The following VEGFC variants were observed in gnomAD, a reference collection of about 807,000 sequenced individuals.
VEGFC encodes the protein vascular endothelial growth factor C.
A neutral mutation model predicts 46.1 loss-of-function variants in VEGFC; 12 were observed. The observed-to-expected ratio is 0.26, with a 90% confidence interval of 0.17 to 0.42. VEGFC has a LOEUF of 0.42. Ranked by LOEUF, VEGFC falls within the 10% of genes least tolerant of loss-of-function variation. The pLI, the probability that VEGFC is intolerant of heterozygous loss-of-function variation, is 1.00. For synonymous variants in VEGFC, 232 were observed against 195.5 expected (o/e 1.19, Z -1.56); for missense variants, 488 against 529.4 (o/e 0.92, Z 0.77).
chr4:176,698,438 A>G (rs965711060), intron 4 of VEGFC, among the ~76,000 whole-genome samples: 4 of 152,070 alleles, frequency 2.6e-5, no homozygotes, highest in African/African-American at 9.7e-5. Flanking sequence ...TATAATATTC[A>G]TGCATTTTTC....
chr4:176,731,372 T>C (rs558572861), intron 1 of VEGFC, among the ~76,000 whole-genome samples: 1 of 152,180 alleles, frequency 6.6e-6, no homozygotes, highest in African/African-American at 2.4e-5. Flanking sequence ...GTGATGGATA[T>C]GTTAACATGA....
chr4:176,688,877 G>A (rs1358912650), intron 4 of VEGFC, among the ~76,000 whole-genome samples: 1 of 152,088 alleles, frequency 6.6e-6, no homozygotes, highest in Non-Finnish European at 1.5e-5. Flanking sequence ...TCTCTTTGTT[G>A]GAAAACAGCA....
intron 1 of VEGFC, among the ~76,000 whole-genome samples, chr4:176,755,121 T>C (rs1209063640): frequency 1.3e-5 from 2 of 152,082 alleles, no homozygotes; most frequent in African/African-American, 4.8e-5. Flanking sequence ...GATGTATACA[T>C]TCAGAAATGC....
At chr4:176,779,049 G>C (rs948086922) in intron 1 of VEGFC, among the ~76,000 whole-genome samples, 2 of 152,104 alleles carry the variant, frequency 1.3e-5, no homozygotes, top group Admixed American at 6.5e-5. Flanking sequence ...AGAATGTATA[G>C]TGCTGTATTT....
intron 1 of VEGFC, among the ~76,000 whole-genome samples, chr4:176,745,487 T>G (rs974307858): frequency 2.0e-5 from 3 of 151,998 alleles, no homozygotes; most frequent in Non-Finnish European, 4.4e-5. Flanking sequence ...AATAGCCAGA[T>G]AGAGTTCCAG....
Position 176,727,925 on chromosome 4 carries a change from C to T in VEGFC, c.405G>A (p.Glu135=), listed in dbSNP as rs867274784. ...EWRKTQCMPR[E]VCIDVGKEFG... ...ACTCCTTCCCCACATCTATACACAC[C>T]TCCCGTGGCATGCATTGAGTCTTTC... The change falls in exon 3 of 7, where the codon GAG becomes GAA. Residue 135 remains glutamate, a synonymous_variant. Coordinates refer to ENST00000618562, the MANE Select transcript of VEGFC (RefSeq NM_005429.5). The T allele has an allele frequency of 1.2e-6, 2 of 1,612,902 alleles. No homozygotes were observed. The highest frequency in any genetic ancestry group is 1.7e-6 in the Non-Finnish European group (2 of 1,179,392).
chr4:176,702,948 G>T (rs1405813045), intron 4 of VEGFC, among the ~76,000 whole-genome samples: 1 of 152,058 alleles, frequency 6.6e-6, no homozygotes, highest in East Asian at 1.9e-4. Context: ...GAGAAAAAAA[G>T]TAATGCCAAC....
At chr4:176,687,740 T>C in intron 5 of VEGFC, 81 bp downstream of exon 5, 1 of 1,088,886 alleles carries the variant, frequency 9.2e-7, no homozygotes, top group South Asian at 1.5e-5. Context: ...ATGAATATTA[T>C]ATGTGTGGTT....
intron 1 of VEGFC, among the ~76,000 whole-genome samples, chr4:176,773,390 A>G (rs7440052): frequency 0.8 from 120,984 of 152,134 alleles, 50,890 homozygotes; most frequent in East Asian, 1. Flanking sequence ...TAGCCACTAC[A>G]GTTAGATTTT....
At chr4:176,716,869 TC>T (rs1337603032) in intron 3 of VEGFC, among the ~76,000 whole-genome samples, 1 of 149,600 alleles carries the variant, frequency 6.7e-6, no homozygotes, top group Non-Finnish European at 1.5e-5. Flanking sequence ...AAAATATGAA[TC>T]ATGATACTAT....
At chr4:176,744,919 T>G (rs992370763) in intron 1 of VEGFC, among the ~76,000 whole-genome samples, 6 of 152,068 alleles carry the variant, frequency 3.9e-5, no homozygotes, top group Non-Finnish European at 7.4e-5. Flanking sequence ...ACATTATTTC[T>G]ACGCTAATTC....
intron 1 of VEGFC, among the ~76,000 whole-genome samples, chr4:176,761,928 G>A (rs1735537147): frequency 6.6e-6 from 1 of 152,156 alleles, no homozygotes. Context: ...ACAGAGAAAG[G>A]TAAGAAAGCA....
In VEGFC at chr4:176,787,184, G is replaced by A. The variant is rs145476168; in HGVS notation, c.147+4981C>T. On this transcript the variant is annotated intron_variant, in intron 1 of 6. Transcript: ENST00000618562. ...TTTAAGAAAATTAGCTTTTGGGGCCGGGCGCAGTGGCTCATGCCTGTAATC... is the reference window on the plus strand; with the variant it reads ...TTTAAGAAAATTAGCTTTTGGGGCCAGGCGCAGTGGCTCATGCCTGTAATC... Among the ~76,000 whole-genome samples the A allele has an allele frequency of 9.6e-3, 1,460 of 152,122 alleles. 7 individuals carry two copies. Among genetic ancestry groups the A allele is most frequent in the Non-Finnish European group, 0.014 (978 of 67,996 alleles).
At chr4:176,790,111 G>T (rs959727638) in intron 1 of VEGFC, among the ~76,000 whole-genome samples, 4 of 152,116 alleles carry the variant, frequency 2.6e-5, no homozygotes, top group African/African-American at 9.7e-5. Context: ...CTTGGCAGTT[G>T]TGTGACATGT....
chr4:176,773,841 AT>A (rs1735763008), intron 1 of VEGFC, among the ~76,000 whole-genome samples: 1 of 151,762 alleles, frequency 6.6e-6, no homozygotes, highest in African/African-American at 2.4e-5. Flanking sequence ...TGCCTGGCTA[AT>A]TTTTTTTAAT....
At chr4:176,730,169 G>A (rs1049925119) in intron 1 of VEGFC, among the ~76,000 whole-genome samples, 2 of 152,092 alleles carry the variant, frequency 1.3e-5, no homozygotes, top group Non-Finnish European at 2.9e-5. Context: ...TGCTTAAGCA[G>A]GATGCTTGAG....
chr4:176,751,320 A>AT (rs1735339070), intron 1 of VEGFC, among the ~76,000 whole-genome samples: 1 of 152,014 alleles, frequency 6.6e-6, no homozygotes, highest in African/African-American at 2.4e-5. Flanking sequence ...AGCTCTTTAT[A>AT]GAATGGATGG....
intron 1 of VEGFC, among the ~76,000 whole-genome samples, chr4:176,786,883 A>C (rs1736009695): frequency 6.6e-6 from 1 of 152,142 alleles, no homozygotes. Context: ...CAAGGCAATA[A>C]AGCAATGGAG....
intron 4 of VEGFC, among the ~76,000 whole-genome samples, chr4:176,697,260 T>G (rs1734332849): frequency 6.8e-6 from 1 of 147,958 alleles, no homozygotes; most frequent in African/African-American, 2.5e-5. Flanking sequence ...ATATCCAGAA[T>G]CTACAATGAA....
Sources: allele counts gnomAD v4.1 joint callset (sites outside exome capture counted in the v4.1 genomes callset), GRCh38; gene constraint gnomAD v4.1.1; transcripts MANE v1.5; gene names NCBI Gene and HGNC (gene_info 2026-07-23, HGNC 2026-07-21).